The following CHODL variants were observed in gnomAD, a reference collection of about 807,000 sequenced individuals.
CHODL encodes transmembrane protein MT75.
In CHODL, 29 loss-of-function variants were observed where a neutral mutation model predicts 34.5. That is an observed-to-expected ratio of 0.84 (90% CI 0.63 to 1.15). The LOEUF is 1.15. CHODL is among the 50% of genes most tolerant of loss of function. The pLI is 0.00. For missense variants in CHODL, 332 were observed against 332.5 expected, an observed-to-expected ratio of 1.00 and a Z score of 0.01; for synonymous variants, 125 against 116.1, an observed-to-expected ratio of 1.08 and a Z score of -0.49.
intron 2 of CHODL, among the ~76,000 whole-genome samples, chr21:18,099,376 C>A (rs865909667): frequency 6.6e-6 from 1 of 150,808 alleles, no homozygotes; most frequent in Non-Finnish European, 1.5e-5. Flanking sequence ...TGAGTACCCA[C>A]AAAAATTAAA....
chr21:18,204,400 A>T (rs1224849948), intron 2 of CHODL, among the ~76,000 whole-genome samples: 1 of 152,152 alleles, frequency 6.6e-6, no homozygotes, highest in African/African-American at 2.4e-5. Context: ...ATATTTTAAG[A>T]AACTAGTATA....
intron 2 of CHODL, among the ~76,000 whole-genome samples, chr21:18,195,024 ATACAT>A (rs1200235744): frequency 1.4e-5 from 2 of 140,876 alleles, no homozygotes; most frequent in African/African-American, 2.7e-5. Flanking sequence ...TATTAATACA[ATACAT>A]TATTTATTTA....
intron 2 of CHODL, among the ~76,000 whole-genome samples, chr21:18,217,829 A>T (rs755474098): frequency 9.9e-5 from 15 of 152,206 alleles, no homozygotes; most frequent in Non-Finnish European, 2.1e-4. Flanking sequence ...AAATGGGGAA[A>T]TATTGGCCAA....
intron 2 of CHODL, among the ~76,000 whole-genome samples, chr21:18,093,261 AGGTGT>A (rs2065096272): frequency 6.6e-6 from 1 of 152,176 alleles, no homozygotes; most frequent in East Asian, 1.9e-4. Context: ...AGCATGAATG[AGGTGT>A]AAAGACCTTC....
chr21:18,004,652 G>A (rs1473215449), intron 1 of CHODL, among the ~76,000 whole-genome samples: 1 of 152,048 alleles, frequency 6.6e-6, no homozygotes, highest in African/African-American at 2.4e-5. Flanking sequence ...CCTGCCCCAT[G>A]GCTTATATTT....
intron 2 of CHODL, among the ~76,000 whole-genome samples, chr21:18,196,940 T>G (rs9976703): frequency 6.6e-6 from 1 of 152,010 alleles, no homozygotes; most frequent in African/African-American, 2.4e-5. Context: ...ATACTTGACA[T>G]TTGCTAAGAA....
chr21:17,933,407 C>T (rs935492662), intron 1 of CHODL, among the ~76,000 whole-genome samples: 1 of 152,174 alleles, frequency 6.6e-6, no homozygotes, highest in African/African-American at 2.4e-5. Flanking sequence ...GTGTTTGAGT[C>T]CCTGGGTACT....
intron 2 of CHODL, among the ~76,000 whole-genome samples, chr21:18,102,922 T>C (rs975919968): frequency 6.6e-6 from 1 of 152,178 alleles, no homozygotes; most frequent in African/African-American, 2.4e-5. Flanking sequence ...TGCTTTATCA[T>C]CCTGAAGCTT....
At chr21:18,011,737 A>G (rs867588758) in intron 1 of CHODL, among the ~76,000 whole-genome samples, 4 of 152,344 alleles carry the variant, frequency 2.6e-5, no homozygotes, top group African/African-American at 9.6e-5. Flanking sequence ...AAGCTCAGGT[A>G]ATAATAAAAG....
chr21:18,044,800 A>G (rs1184317336), intron 2 of CHODL, among the ~76,000 whole-genome samples: 1 of 151,922 alleles, frequency 6.6e-6, no homozygotes, highest in African/African-American at 2.4e-5. Flanking sequence ...ATTTACTCCA[A>G]GTTTACTCTT....
chr21:18,098,170 A>G (rs574618881), intron 2 of CHODL, among the ~76,000 whole-genome samples: 40 of 152,220 alleles, frequency 2.6e-4, no homozygotes, highest in African/African-American at 8.7e-4. Flanking sequence ...ATTGAGTAAT[A>G]CCCCACAAGC....
intron 2 of CHODL, among the ~76,000 whole-genome samples, chr21:18,223,243 A>G (rs2073900996): frequency 6.6e-6 from 1 of 152,240 alleles, no homozygotes. Context: ...TGTATCTCCA[A>G]CAGCTATAAT....
At chr21:18,226,122 CTT>C (rs2073929048) in intron 2 of CHODL, among the ~76,000 whole-genome samples, 1 of 152,050 alleles carries the variant, frequency 6.6e-6, no homozygotes, top group African/African-American at 2.4e-5. Flanking sequence ...TAAGGTAGCT[CTT>C]GTTACAATAG....
chr21:17,981,373 C>G (rs140925570), intron 1 of CHODL, among the ~76,000 whole-genome samples: 18 of 152,252 alleles, frequency 1.2e-4, no homozygotes, highest in African/African-American at 4.1e-4. Flanking sequence ...ATGTGTTGTT[C>G]ATGGGCAGCG....
intron 2 of CHODL, among the ~76,000 whole-genome samples, chr21:18,193,424 G>A (rs575981424): frequency 4.6e-5 from 7 of 152,014 alleles, no homozygotes; most frequent in East Asian, 3.9e-4. Flanking sequence ...GGCTAGGTGC[G>A]GTGGCTCACA....
At chr21:17,928,144 G>T (rs1464819567) in intron 1 of CHODL, among the ~76,000 whole-genome samples, 1 of 152,176 alleles carries the variant, frequency 6.6e-6, no homozygotes, top group Non-Finnish European at 1.5e-5. Flanking sequence ...GATCTTGTAA[G>T]AATTAATATT....
At chr21:17,957,741 AAAT>A (rs2063503267) in intron 1 of CHODL, among the ~76,000 whole-genome samples, 1 of 151,370 alleles carries the variant, frequency 6.6e-6, no homozygotes, top group African/African-American at 2.4e-5. Flanking sequence ...TAAAATATAA[AAAT>A]AATAAAAATA....
At chr21:17,999,088 G>T (rs981150537) in intron 1 of CHODL, among the ~76,000 whole-genome samples, 8 of 152,144 alleles carry the variant, frequency 5.3e-5, no homozygotes, top group African/African-American at 1.9e-4. Flanking sequence ...TTGCTGCTTA[G>T]AAATTTATTC....
chr21:17,947,532 AACAC>A (rs1003512511), intron 1 of CHODL, among the ~76,000 whole-genome samples: 13 of 106,738 alleles, frequency 1.2e-4, no homozygotes, highest in African/African-American at 4.1e-4. Context: ...CCTAATAAGA[AACAC>A]ACACACAGAC....
Sources: allele counts gnomAD v4.1 joint callset (sites outside exome capture counted in the v4.1 genomes callset), GRCh38; gene constraint gnomAD v4.1.1; transcripts MANE v1.5; gene names NCBI Gene and HGNC (gene_info 2026-07-23, HGNC 2026-07-21).